PDLIM3: variants seen among roughly 807,000 people sequenced by gnomAD.
PDLIM3 encodes PDZ and LIM domain protein 3.
PDLIM3 carries 36 observed loss-of-function variants against 37.3 expected under a neutral mutation model. That is an observed-to-expected ratio of 0.97 (90% CI 0.74 to 1.28). PDLIM3 has a LOEUF of 1.28. PDLIM3 is among the 50% of genes most tolerant of loss of function. PDLIM3 has a pLI of 0.00. For synonymous variants in PDLIM3, 174 were observed against 182.4 expected (o/e 0.95, Z 0.37); for missense variants, 454 against 485.0 (o/e 0.94, Z 0.60).
intron 4 of PDLIM3, among the ~76,000 whole-genome samples, chr4:185,510,697 CGT>C (rs1386790051): frequency 2.6e-5 from 4 of 152,132 alleles, no homozygotes; most frequent in African/African-American, 9.7e-5. Context: ...AGTTCAAACC[CGT>C]GTTCTCAGGG....
chr4:185,529,636 T>G (rs2095740446), intron 1 of PDLIM3, among the ~76,000 whole-genome samples: 1 of 152,052 alleles, frequency 6.6e-6, no homozygotes, highest in African/African-American at 2.4e-5. Context: ...TATATTAGAA[T>G]CTCTGCATGC....
intron 1 of PDLIM3, among the ~76,000 whole-genome samples, chr4:185,534,472 G>C (rs1554040597): frequency 6.6e-6 from 1 of 152,122 alleles, no homozygotes; most frequent in Non-Finnish European, 1.5e-5. Flanking sequence ...CATTGTGTTA[G>C]AAAAAAACCA....
intron 1 of PDLIM3, 113 bp from the exon 2 acceptor site, chr4:185,525,284 A>G (rs1327387733): frequency 9.7e-7 from 1 of 1,028,404 alleles, no homozygotes; most frequent in Admixed American, 1.9e-5. Flanking sequence ...TTGGGCAGAA[A>G]GACTGTAAAT....
intron 5 of PDLIM3, among the ~76,000 whole-genome samples, chr4:185,507,942 T>G (rs1166932821): frequency 6.6e-6 from 1 of 152,066 alleles, no homozygotes; most frequent in Non-Finnish European, 1.5e-5. Flanking sequence ...ATAAATAACT[T>G]TGAGAAGTAT....
At chr4:185,503,397 C>T (rs1026043212) in intron 7 of PDLIM3, among the ~76,000 whole-genome samples, 7 of 152,150 alleles carry the variant, frequency 4.6e-5, no homozygotes, top group African/African-American at 1.7e-4. Flanking sequence ...TTACTGAGGG[C>T]CTCTCTGCTC....
At chr4:185,503,586 G>A (rs764609931) in intron 7 of PDLIM3, among the ~76,000 whole-genome samples, 13 of 152,248 alleles carry the variant, frequency 8.5e-5, no homozygotes, top group Non-Finnish European at 1.5e-4. Context: ...CACATGGCAC[G>A]AATGCCATGG....
chr4:185,503,593 A>G (rs2095691154), intron 7 of PDLIM3, among the ~76,000 whole-genome samples: 1 of 152,218 alleles, frequency 6.6e-6, no homozygotes, highest in Admixed American at 6.5e-5. Flanking sequence ...CACGAATGCC[A>G]TGGAGATGTT....
intron 3 of PDLIM3, among the ~76,000 whole-genome samples, chr4:185,521,399 CTTTT>C (rs528835696): frequency 4.4e-5 from 2 of 44,994 alleles, no homozygotes; most frequent in Non-Finnish European, 9.3e-5. Context: ...CTTTTCTTTT[CTTTT>C]TTTTTTTTTT....
At chr4:185,523,575 T>TTTG in intron 2 of PDLIM3, 129 bp from the exon 3 acceptor site, 1 of 632,906 alleles carries the variant, frequency 1.6e-6, no homozygotes, top group Middle Eastern at 4.2e-4. Context: ...ACAATTTTTT[T>TTTG]TTTTGCTGAT....
In PDLIM3 at chr4:185,508,416, C is replaced by A; in HGVS notation, c.545G>T (p.Gly182Val). 1 of 1,614,168 alleles carries A rather than the reference C, an allele frequency of 6.2e-7. No homozygotes were observed. The highest frequency in any genetic ancestry group is 8.5e-7 in the Non-Finnish European group (1 of 1,180,028). Residue 182 changes from glycine (G) to valine (V), a missense_variant, in exon 5 of 8, where the codon GGT becomes GTT. Gly to Val is a moderately radical substitution (Grantham distance 109, BLOSUM62 -3). Transcript: ENST00000284767. ...AAACTGAGCATGTACAATCTTCACACCAGGAAGTTCCATTTCCAAAGGAAT... is the reference window on the plus strand; with the variant it reads ...AAACTGAGCATGTACAATCTTCACAACAGGAAGTTCCATTTCCAAAGGAAT... ...PNIPLEMELP[G>V]VKIVHAQFNT... is the part of the protein sequence containing the mutation.
rs1471198864 is a variant in PDLIM3 at position 185,501,150 on chromosome 4, C to T, written c.*1144G>A. On this transcript the variant is annotated 3_prime_UTR_variant, in exon 8 of 8. Transcript: ENST00000284767. The stretch of plus-strand genomic sequence containing the variant: ...CAGAGCCTGCAAGGTAGGCTGCCTG[C>T]GCCAGGGCCAGGCAGAGTGCATGTC... 5 of 152,038 alleles carry T rather than the reference C, an allele frequency of 3.3e-5. No individual in the cohort carries two copies. The highest frequency in any genetic ancestry group is 6.5e-5 in the Admixed American group (1 of 15,280). 9.4% of individuals were successfully genotyped at this position (152,038 alleles called of 1,614,324 possible).
chr4:185,530,697 G>A (rs2095742465), intron 1 of PDLIM3, among the ~76,000 whole-genome samples: 2 of 152,160 alleles, frequency 1.3e-5, no homozygotes, highest in Admixed American at 1.3e-4. Flanking sequence ...ACTCATAAGT[G>A]TTAAATTGCA....
intron 1 of PDLIM3, among the ~76,000 whole-genome samples, chr4:185,527,916 T>C (rs1040511258): frequency 1.3e-5 from 2 of 151,986 alleles, no homozygotes; most frequent in Non-Finnish European, 2.9e-5. Flanking sequence ...AAGCTAGGCA[T>C]AATGGTGCAC....
intron 6 of PDLIM3, among the ~76,000 whole-genome samples, chr4:185,505,390 G>A (rs139551759): frequency 1.4e-4 from 21 of 152,214 alleles, no homozygotes; most frequent in African/African-American, 4.6e-4. Context: ...CTGGGAGGCC[G>A]AGGCGGGTGG....
rs78090600 is a variant in PDLIM3 at position 185,508,674 on chromosome 4, G to C, written c.399-112C>G. 6.3e-3 allele frequency: 6,535 copies of C among 1,041,510 alleles called. 300 individuals carry two copies. The African/African-American group carries it at 0.091, about 14-fold the overall frequency. The allele number at this position is 1,041,510 out of a possible 1,614,324, so 64.5% of individuals were successfully genotyped here. A position where few individuals can be genotyped will look rare whatever the true frequency, so the allele number is the denominator to read the frequency against. ...GTTAAAAGGAATTGAAGACAAAAGTGAGAGGTGAATTACATCAAAATAAAA... is the reference window on the plus strand; with the variant it reads ...GTTAAAAGGAATTGAAGACAAAAGTCAGAGGTGAATTACATCAAAATAAAA... On this transcript the variant is annotated intron_variant, in intron 4 of 7. Coordinates refer to ENST00000284767, the MANE Select transcript of PDLIM3 (RefSeq NM_014476.6).
chr4:185,511,966 G>A (rs1021665070), intron 4 of PDLIM3: 11 of 152,130 alleles, frequency 7.2e-5, no homozygotes, highest in African/African-American at 2.7e-4. Flanking sequence ...TTGTAGGCTG[G>A]TATGCAGCCA....
rs1404235372 is a variant in PDLIM3 at position 185,520,866 on chromosome 4, C to T, written c.330+2496G>A. On this transcript the variant is annotated intron_variant, in intron 3 of 7. Coordinates refer to ENST00000284767, the MANE Select transcript of PDLIM3 (RefSeq NM_014476.6). Reference sequence around the variant, plus strand: ...CCTCATTTCTTGCATCTCATATTAACGAAATTGGGTTTAAAAATTAGGAGA... The same window carrying T: ...CCTCATTTCTTGCATCTCATATTAATGAAATTGGGTTTAAAAATTAGGAGA... Among the ~76,000 whole-genome samples, 3 of 64,856 alleles carry T rather than the reference C, an allele frequency of 4.6e-5. 1 individual carries two copies. The highest frequency in any genetic ancestry group is 8.4e-5 in the African/African-American group (3 of 35,618). The allele number at this position is 64,856 out of a possible 152,430, so 42.5% of individuals were successfully genotyped here. A position where few individuals can be genotyped will look rare whatever the true frequency, so the allele number is the denominator to read the frequency against.
At position 185,514,229 on chromosome 4, in the gene PDLIM3, G is replaced by C; in HGVS notation, c.398+41C>G. The C allele has an allele frequency of 2.5e-6, 4 of 1,614,120 alleles. No individual in the cohort carries two copies. The highest frequency in any genetic ancestry group is 2.5e-6 in the Non-Finnish European group (3 of 1,180,006). On this transcript the variant is annotated intron_variant, in intron 4 of 7. Transcript: ENST00000284767. The surrounding 1 kb of genome is among the most constrained non-coding windows in gnomAD (Gnocchi z 4.0). ...TGATGATTAGTAAGAACTGATTTAA[G>C]AAGCATGCACTGCAAACTCCACAGT...
chr4:185,517,483 T>C (rs2095716747), intron 3 of PDLIM3: 3 of 151,832 alleles, frequency 2.0e-5, no homozygotes, highest in African/African-American at 7.2e-5. Flanking sequence ...TATTTCTTCT[T>C]AGCCTTAAGA....
Sources: allele counts gnomAD v4.1 joint callset (sites outside exome capture counted in the v4.1 genomes callset), GRCh38; gene constraint gnomAD v4.1.1; non-coding constraint Gnocchi (gnomAD v3.1); transcripts MANE v1.5; gene names NCBI Gene and HGNC (gene_info 2026-07-23, HGNC 2026-07-21).